COL28A1: variants seen among roughly 807,000 people sequenced by gnomAD.
COL28A1 encodes the protein collagen type XXVIII alpha 1 chain.
In COL28A1, 161 loss-of-function variants were observed where a neutral mutation model predicts 150.2. The ratio of observed to expected loss-of-function variants is 1.07; its 90% CI spans 0.94 to 1.22. The LOEUF (loss-of-function observed/expected upper bound fraction) is 1.22. Ranked by LOEUF, COL28A1 falls within the 50% of genes most tolerant of loss-of-function variation. COL28A1 has a pLI of 0.00. For missense variants in COL28A1, 1,617 were observed against 1,388.3 expected (o/e 1.16, Z -2.62); for synonymous variants, 552 against 469.7 (o/e 1.18, Z -2.26).
At chr7:7,501,544 C>G (rs553248377) in intron 11 of COL28A1, among the ~76,000 whole-genome samples, 10 of 152,244 alleles carry the variant, frequency 6.6e-5, no homozygotes, top group Middle Eastern at 3.4e-3. Flanking sequence ...AGAAAGACAT[C>G]AAGAAAATGG....
chr7:7,413,494 C>T (rs868579370), intron 27 of COL28A1, among the ~76,000 whole-genome samples: 12 of 152,130 alleles, frequency 7.9e-5, no homozygotes, highest in Admixed American at 3.9e-4. Context: ...TAAGTACAGC[C>T]GCGCAACTAG....
intron 27 of COL28A1, among the ~76,000 whole-genome samples, chr7:7,400,978 GTGT>G (rs1562554202): frequency 0.039 from 3,185 of 81,268 alleles, 99 homozygotes; most frequent in African/African-American, 0.098. Flanking sequence ...GTATTTGGGT[GTGT>G]GTGTGTGTGT....
intron 13 of COL28A1, 112 bp from the exon 14 acceptor site, chr7:7,477,292 CA>C (rs138237119): frequency 1.3e-3 from 831 of 627,104 alleles, no homozygotes; most frequent in South Asian, 2.1e-3. Flanking sequence ...GTTTACATGC[CA>C]AAAAAAAATG....
intron 15 of COL28A1, among the ~76,000 whole-genome samples, chr7:7,473,853 T>TTA: frequency 6.6e-6 from 1 of 151,518 alleles, no homozygotes; most frequent in Middle Eastern, 3.4e-3. Context: ...GTGTGTTTGT[T>TTA]TATATATATA....
In COL28A1 at chr7:7,430,372, C is replaced by A. The variant is rs1784895163; in HGVS notation, c.1998+2101G>T. Among the ~76,000 whole-genome samples, 5 of 152,122 alleles carry A rather than the reference C, an allele frequency of 3.3e-5. No homozygotes were observed. The South Asian group carries it at 1.0e-3, about 32-fold the overall frequency. On this transcript the variant is annotated intron_variant, in intron 25 of 34. Coordinates refer to ENST00000399429, the MANE Select transcript of COL28A1 (RefSeq NM_001037763.3). ...AAACTCCTGACCTCAGGTGATCTGCCCACCTCAGCCTCCCAAAGTGCTGGA... is the reference window on the plus strand; with the variant it reads ...AAACTCCTGACCTCAGGTGATCTGCACACCTCAGCCTCCCAAAGTGCTGGA...
intron 33 of COL28A1, among the ~76,000 whole-genome samples, chr7:7,363,203 A>AT (rs1780760140): frequency 6.6e-6 from 1 of 152,222 alleles, no homozygotes; most frequent in Admixed American, 6.5e-5. Flanking sequence ...AGACTGTTCC[A>AT]TTGAAGAGGC....
intron 25 of COL28A1, among the ~76,000 whole-genome samples, chr7:7,427,448 A>G (rs559202668): frequency 6.6e-6 from 1 of 152,316 alleles, no homozygotes; most frequent in African/African-American, 2.4e-5. Flanking sequence ...CTTGTTGGGC[A>G]CTGTTCAAAA....
intron 13 of COL28A1, among the ~76,000 whole-genome samples, chr7:7,477,899 T>C (rs1789047593): frequency 6.6e-6 from 1 of 152,180 alleles, no homozygotes; most frequent in African/African-American, 2.4e-5. Context: ...TGCAGAGAGC[T>C]GATTGGTCCG....
In COL28A1 at chr7:7,437,405, G is replaced by A. The variant is rs1785421523; in HGVS notation, c.1780C>T (p.Pro594Ser). The A allele has an allele frequency of 6.2e-7, 1 of 1,613,276 alleles. No homozygotes were observed. The highest frequency in any genetic ancestry group is 8.5e-7 in the Non-Finnish European group (1 of 1,179,734). The change falls in exon 22 of 35, where the codon CCT (proline) becomes TCT (serine). Residue 594 changes from proline (P) to serine (S), a missense_variant. Transcript: ENST00000399429. ...GMPGTSIPGP[P>S]GPKGDRGGPG... ...CCAAGAATATATACCTTTGGCCCAGGTGGTCCAGGAATTGATGTTCCAGGC... is the reference window on the plus strand; with the variant it reads ...CCAAGAATATATACCTTTGGCCCAGATGGTCCAGGAATTGATGTTCCAGGC...
intron 21 of COL28A1, among the ~76,000 whole-genome samples, chr7:7,440,506 A>G (rs1313954868): frequency 6.6e-6 from 1 of 152,182 alleles, no homozygotes; most frequent in Non-Finnish European, 1.5e-5. Context: ...TATGGTCCCA[A>G]TTTTATCCCA....
intron 27 of COL28A1, among the ~76,000 whole-genome samples, chr7:7,382,556 A>G (rs1781930232): frequency 6.6e-6 from 1 of 152,286 alleles, no homozygotes; most frequent in East Asian, 1.9e-4. Flanking sequence ...AGCATGAAAC[A>G]GAAACAATCA....
intron 27 of COL28A1, among the ~76,000 whole-genome samples, chr7:7,404,860 T>C (rs1783407743): frequency 6.6e-6 from 1 of 152,190 alleles, no homozygotes. Flanking sequence ...TACTTACATA[T>C]GTTCAGTGAA....
At chr7:7,399,059 C>T (rs1277501850) in intron 27 of COL28A1, among the ~76,000 whole-genome samples, 1 of 152,146 alleles carries the variant, frequency 6.6e-6, no homozygotes, top group Non-Finnish European at 1.5e-5. Flanking sequence ...CTCTTAGATC[C>T]AGGTGTAACT....
At chr7:7,407,497 T>C (rs1783552293) in intron 27 of COL28A1, among the ~76,000 whole-genome samples, 1 of 152,100 alleles carries the variant, frequency 6.6e-6, no homozygotes, top group Non-Finnish European at 1.5e-5. Context: ...AGATAACTTC[T>C]CGAGAGCGAT....
intron 11 of COL28A1, among the ~76,000 whole-genome samples, chr7:7,494,797 A>G (rs917862702): frequency 2.0e-5 from 3 of 152,254 alleles, no homozygotes; most frequent in African/African-American, 7.2e-5. Context: ...AACAGAATAC[A>G]TAAGACTCTG....
intron 24 of COL28A1, 41 bp from the exon 25 acceptor site, chr7:7,432,582 G>T: frequency 6.2e-7 from 1 of 1,610,598 alleles, no homozygotes; most frequent in Non-Finnish European, 8.5e-7. Flanking sequence ...CATCCTTGTA[G>T]TATGCAACAC....
downstream of COL28A1, among the ~76,000 whole-genome samples, chr7:7,353,047 C>T (rs1046989193): frequency 1.3e-5 from 2 of 152,192 alleles, no homozygotes; most frequent in Non-Finnish European, 1.5e-5. Context: ...CATTGTGCAT[C>T]AGCCAGATCC....
rs1294150364 is a variant in COL28A1, at chr7:7,435,877, A to C, written c.1860+518T>G. ...CACCTAGGAATGCTATACATGCTGA[A>C]TTTTGCTGTGGTGCTGGGTATAGTG... On this transcript the variant is annotated intron_variant, in intron 23 of 34. Coordinates refer to ENST00000399429, the MANE Select transcript of COL28A1 (RefSeq NM_001037763.3). Among the ~76,000 whole-genome samples, 11 of 152,172 alleles carry C rather than the reference A, an allele frequency of 7.2e-5. No homozygotes were observed. In the South Asian group the frequency reaches 1.9e-3, roughly 26 times the overall value.
chr7:7,508,252 C>G, intron 9 of COL28A1, among the ~76,000 whole-genome samples: 1 of 151,588 alleles, frequency 6.6e-6, no homozygotes. Context: ...AAAAAATTTC[C>G]TTTTTCCATG....
Sources: gnomAD v4.1 joint callset for allele counts (sites outside exome capture counted in the v4.1 genomes callset) on GRCh38, gnomAD v4.1.1 for gene constraint, MANE v1.5 for transcripts, NCBI Gene and HGNC (gene_info 2026-07-23, HGNC 2026-07-21) for gene names.